The following PROSER3 variants were observed in gnomAD, a reference collection of about 807,000 sequenced individuals.
PROSER3 encodes proline and serine-rich protein 3.
A neutral mutation model predicts 50.2 loss-of-function variants in PROSER3; 33 were observed. That is an observed-to-expected ratio of 0.66 (90% confidence interval 0.50 to 0.88). The LOEUF is 0.88. PROSER3 is among the 40% of genes least tolerant of loss of function. The pLI is 0.00. For missense variants in PROSER3, 623 were observed against 612.7 expected (o/e 1.02, Z -0.18); for synonymous variants, 266 against 259.3 (o/e 1.03, Z -0.25).
rs763038541 is a variant in PROSER3 at position 35,762,144 on chromosome 19, CAGGT to C, written c.439_439+3del. On this transcript the variant is annotated splice_donor_variant and coding_sequence_variant, in exon 4 of 11. Coordinates refer to ENST00000396908, the Ensembl canonical transcript of PROSER3. LOFTEE classifies it high-confidence loss of function. Reference sequence around the variant, plus strand: ...CCAGACCCCAGCAGTCAAAGTGCAGCAGGTACCTCTTTCAGTGCCATCCACTACT... The same window carrying C: ...CCAGACCCCAGCAGTCAAAGTGCAGCACCTCTTTCAGTGCCATCCACTACT... The C allele has an allele frequency of 6.3e-7, 1 of 1,596,170 alleles. No individual in the cohort carries two copies. The highest frequency in any genetic ancestry group is 8.6e-7 in the Non-Finnish European group (1 of 1,165,746).
At chr19:35,766,039 A>T (rs1028929112) in intron 7 of PROSER3, among the ~76,000 whole-genome samples, 2 of 152,080 alleles carry the variant, frequency 1.3e-5, no homozygotes, top group African/African-American at 4.8e-5. Context: ...GCCTGGTCTG[A>T]CTCAGGTATT....
At chr19:35,761,142 T>A (rs1186764852) in intron 3 of PROSER3, among the ~76,000 whole-genome samples, 1 of 152,194 alleles carries the variant, frequency 6.6e-6, no homozygotes, top group African/African-American at 2.4e-5. Flanking sequence ...AAAATCACAT[T>A]TCATACCCTG....
At chr19:35,758,384 C>T in intron 1 of PROSER3, 158 bp downstream of exon 1, 1 of 970,984 alleles carries the variant, frequency 1.0e-6, no homozygotes, top group East Asian at 3.2e-5. Flanking sequence ...TTGGCCTCTC[C>T]AGCCGTAGCC....
At chr19:35,764,578 C>T (rs1276446096) in intron 5 of PROSER3, among the ~76,000 whole-genome samples, 1 of 151,964 alleles carries the variant, frequency 6.6e-6, no homozygotes, top group African/African-American at 2.4e-5. Flanking sequence ...ATTGCTTGAA[C>T]CCAGGAGATG....
At chr19:35,759,889 C>G in exon 3 of PROSER3, 1 of 1,594,802 alleles carries the variant, frequency 6.3e-7, no homozygotes, top group Non-Finnish European at 8.5e-7. Context: ...GAGTCCTGGC[C>G]ATCCAGTTCA....
In PROSER3 at chr19:35,762,057, G is replaced by C. The variant is rs557132741; in HGVS notation, c.350G>C (p.Arg117Pro). ...TTCCGCCAGGCTCAGCCCACCAGTC[G>C]AGAGGAGCGCCAGCCTGCAGGCCCA... Residue 117 changes from arginine to proline, a missense_variant, in exon 4 of 11, where the codon CGA becomes CCA. Coordinates refer to ENST00000396908, the Ensembl canonical transcript of PROSER3. 7.9e-5 allele frequency: 127 copies of C among 1,610,746 alleles called. No homozygotes were observed. The South Asian group carries it at 1.3e-3, about 16-fold the overall frequency.
At chr19:35,767,117 C>A (rs1255604790) in intron 8 of PROSER3, 3 of 943,974 alleles carry the variant, frequency 3.2e-6, no homozygotes, top group African/African-American at 3.3e-5. Flanking sequence ...GGGGACCCAG[C>A]CTAACCATGT....
intron 3 of PROSER3, 48 bp downstream of exon 3, chr19:35,760,039 A>T (rs966914302): frequency 1.9e-5 from 27 of 1,455,342 alleles, no homozygotes; most frequent in Non-Finnish European, 2.5e-5. Context: ...GGTTAGAGGG[A>T]GGGAGAAGGC....
chr19:35,768,276 C>A, intron 10 of PROSER3, 40 bp downstream of exon 10: 1 of 1,594,270 alleles, frequency 6.3e-7, no homozygotes, highest in South Asian at 1.1e-5. Flanking sequence ...GACACTGGGC[C>A]CCGGAGACCT....
At chr19:35,760,087 A>G in intron 3 of PROSER3, 96 bp downstream of exon 3, 2 of 1,302,626 alleles carry the variant, frequency 1.5e-6, no homozygotes, top group East Asian at 5.1e-5. Flanking sequence ...CTGTTTCTGC[A>G]GCACTCTTTT....
At chr19:35,759,529 A>G in intron 2 of PROSER3, 59 bp downstream of exon 2, 1 of 1,445,952 alleles carries the variant, frequency 6.9e-7, no homozygotes, top group Non-Finnish European at 9.6e-7. Flanking sequence ...AATGACCTTT[A>G]GAGGGTAGGA....
At chr19:35,764,283 C>CAA (rs1971063448) in intron 5 of PROSER3, among the ~76,000 whole-genome samples, 1 of 152,138 alleles carries the variant, frequency 6.6e-6, no homozygotes, top group African/African-American at 2.4e-5. Flanking sequence ...CACTGTGAAC[C>CAA]AGAGGATAGA....
intron 5 of PROSER3, 80 bp downstream of exon 5, chr19:35,762,436 C>A: frequency 7.6e-7 from 1 of 1,310,240 alleles, no homozygotes; most frequent in Non-Finnish European, 1.1e-6. Context: ...AGATCAGGAG[C>A]AGTGGCTCAC....
At chr19:35,764,827 C>T (rs1971081875) in intron 5 of PROSER3, 27 bp from the exon 6 acceptor site, 3 of 1,599,296 alleles carry the variant, frequency 1.9e-6, no homozygotes, top group Non-Finnish European at 2.6e-6. Context: ...TGGGTTGGGG[C>T]TGGCGTCTGA....
In PROSER3 at chr19:35,768,641, G is replaced by A. The variant is rs565375736; in HGVS notation, c.*96G>A. 496 of 1,440,650 alleles carry A rather than the reference G, an allele frequency of 3.4e-4. 2 individuals are homozygous for A. The African/African-American group carries it at 6.6e-3, about 19-fold the overall frequency. 89.2% of individuals were successfully genotyped at this position (1,440,650 alleles called of 1,614,324 possible). A position where few individuals can be genotyped will look rare whatever the true frequency, so the allele number is the denominator to read the frequency against. On this transcript the variant is annotated 3_prime_UTR_variant, in exon 11 of 11. Coordinates refer to ENST00000396908, the Ensembl canonical transcript of PROSER3. ...GAAAGGGGTTGTTTGGAAAGGCCAA[G>A]GGGTCATGCCAATTTAAGGAAATGC...
Position 35,766,977 on chromosome 19 carries a change from C to A in PROSER3, c.957+22C>A, listed in dbSNP as rs761448950. The A allele has an allele frequency of 5.9e-6, 9 of 1,535,848 alleles. No individual in the cohort carries two copies. In the Admixed American group the frequency reaches 1.6e-4, roughly 27 times the overall value. On this transcript the variant is annotated intron_variant, in intron 8 of 10. Coordinates refer to ENST00000396908, the Ensembl canonical transcript of PROSER3. ...GTTGGTGAGCCGAGGGAGGGAGGAG[C>A]CTGGGGGGAGCTGGAGGAGGGGCTG...
rs1446474193 is a variant in PROSER3 at position 35,759,354 on chromosome 19, A to ACCCCACTTTCCTCTTGCAGCCTGCC, written c.12-19_17dup. 6.2e-7 allele frequency: 1 copy of ACCCCACTTTCCTCTTGCAGCCTGCC among 1,608,342 alleles called. No individual in the cohort carries two copies. The highest frequency in any genetic ancestry group is 1.7e-5 in the Admixed American group (1 of 59,638). ...TGCGGCGAAACCACGTGCTGCCTGA[A>ACCCCACTTTCCTCTTGCAGCCTGCC]CCCCACTTTCCTCTTGCAGCCTGCC... On this transcript the variant is annotated intron_variant, in intron 1 of 10. Coordinates refer to ENST00000396908, the Ensembl canonical transcript of PROSER3.
exon 3 of PROSER3, chr19:35,759,950 A>C (rs1422502064): frequency 3.1e-6 from 5 of 1,607,034 alleles, no homozygotes; most frequent in Non-Finnish European, 4.2e-6. Context: ...GGGCCTCCCC[A>C]GCACCCACCC....
At chr19:35,766,805 T>C (rs928243232) in exon 8 of PROSER3, 22 of 1,545,714 alleles carry the variant, frequency 1.4e-5, no homozygotes, top group Non-Finnish European at 1.8e-5. Context: ...CCCCCACCCC[T>C]GCTCCAGCCC....
Sources: allele counts gnomAD v4.1 joint callset (sites outside exome capture counted in the v4.1 genomes callset), GRCh38; gene constraint gnomAD v4.1.1; transcripts MANE v1.5; gene names NCBI Gene and HGNC (gene_info 2026-07-23, HGNC 2026-07-21).